ROPN1L: variants seen among roughly 807,000 people sequenced by gnomAD.
ROPN1L encodes the protein ropporin-1-like protein.
ROPN1L carries 23 observed loss-of-function variants against 22.7 expected under a neutral mutation model. The ratio of observed to expected loss-of-function variants is 1.01; its 90% CI spans 0.73 to 1.43. The LOEUF (loss-of-function observed/expected upper bound fraction) is 1.43. Among genes scored for constraint, ROPN1L ranks in the 40% most tolerant of loss-of-function variants. The pLI is 0.00. For missense variants in ROPN1L, 271 were observed against 291.5 expected, an observed-to-expected ratio of 0.93 and a Z score of 0.51; for synonymous variants, 116 against 117.8, an observed-to-expected ratio of 0.98 and a Z score of 0.10.
intron 4 of ROPN1L, among the ~76,000 whole-genome samples, chr5:10,471,268 G>A (rs1404985214): frequency 1.3e-5 from 2 of 152,012 alleles, no homozygotes; most frequent in Admixed American, 1.3e-4. Context: ...TTCCCGAGTA[G>A]CTGGTACCAC....
chr5:10,443,839 C>A (rs991144135), intron 1 of ROPN1L, among the ~76,000 whole-genome samples: 1 of 152,198 alleles, frequency 6.6e-6, no homozygotes, highest in East Asian at 1.9e-4. Context: ...ATTTTCAAGG[C>A]CAGCATCTTC....
chr5:10,470,423 G>C (rs138796460), intron 4 of ROPN1L, among the ~76,000 whole-genome samples: 1 of 152,306 alleles, frequency 6.6e-6, no homozygotes, highest in African/African-American at 2.4e-5. Context: ...CAGGGTCCAG[G>C]CCCACCCACC....
chr5:10,467,964 C>T (rs896662137), downstream of ROPN1L, among the ~76,000 whole-genome samples: 2 of 152,228 alleles, frequency 1.3e-5, no homozygotes, highest in Non-Finnish European at 2.9e-5. Context: ...ACCCAGGTCC[C>T]GTCCCCTGAG....
chr5:10,450,360 T>C (rs555167565), intron 3 of ROPN1L, among the ~76,000 whole-genome samples: 2 of 152,322 alleles, frequency 1.3e-5, no homozygotes, highest in East Asian at 3.9e-4. Flanking sequence ...TATTAAAATA[T>C]ATTTAGGTTT....
intron 3 of ROPN1L, among the ~76,000 whole-genome samples, chr5:10,457,996 G>A (rs1355346551): frequency 2.0e-5 from 3 of 152,046 alleles, no homozygotes; most frequent in African/African-American, 7.3e-5. Context: ...CACCCTGCTC[G>A]GGAAGGTCCT....
downstream of ROPN1L, among the ~76,000 whole-genome samples, chr5:10,468,999 C>CA (rs1735202409): frequency 6.6e-6 from 1 of 151,720 alleles, no homozygotes; most frequent in Non-Finnish European, 1.5e-5. Flanking sequence ...ACTAAAAATA[C>CA]AAAAAATTAG....
chr5:10,477,309 G>A, the ROPN1L span, among the ~76,000 whole-genome samples: 3 of 152,228 alleles, frequency 2.0e-5, no homozygotes, highest in Non-Finnish European at 4.4e-5. Context: ...CCTGGGCACT[G>A]TGTGGGGCGC....
downstream of ROPN1L, among the ~76,000 whole-genome samples, chr5:10,473,486 A>T (rs1056757455): frequency 6.6e-6 from 1 of 152,168 alleles, no homozygotes; most frequent in Non-Finnish European, 1.5e-5. Flanking sequence ...CCCTCCTAAA[A>T]GCTTCAGAGG....
chr5:10,462,890 AAAT>A lies in ROPN1L; in HGVS notation c.593+1537_593+1539del, dbSNP rs1439510600. The stretch of plus-strand genomic sequence containing the variant: ...AGCAACAAGATCGAGACTCCGTCTC[AAAT>A]AATAACAACAATAATAATAATAATA... On this transcript the variant is annotated intron_variant, in intron 4 of 4. Transcript: ENST00000274134. Among the ~76,000 whole-genome samples the A allele has an allele frequency of 2.5e-4, 18 of 72,618 alleles. No individual in the cohort carries two copies. The East Asian group carries it at 2.9e-3, about 12-fold the overall frequency. 47.6% of individuals were successfully genotyped at this position (72,618 alleles called of 152,430 possible). A position where few individuals can be genotyped will look rare whatever the true frequency, so the allele number is the denominator to read the frequency against.
intron 1 of ROPN1L, among the ~76,000 whole-genome samples, chr5:10,444,100 G>C (rs541002608): frequency 1.3e-5 from 2 of 152,108 alleles, no homozygotes; most frequent in Non-Finnish European, 2.9e-5. Flanking sequence ...AATGGTTTCT[G>C]AAAGACTCTT....
In ROPN1L at chr5:10,450,005, C is replaced by T. The variant is rs35573613; in HGVS notation, c.309C>T (p.Asn103=). The change falls in exon 3 of 5, where the codon AAC becomes AAT. Residue 103 remains asparagine (N), a synonymous_variant. Transcript: ENST00000274134. ...ELTDLEQKWK[N]LCLPKEKFKA... is the part of the protein sequence containing the mutation. Reference sequence around the variant, plus strand: ...CAGATCTTGAGCAGAAGTGGAAGAACTTGTGCCTGCCGAAGGAAAAATTCA... The same window carrying T: ...CAGATCTTGAGCAGAAGTGGAAGAATTTGTGCCTGCCGAAGGAAAAATTCA... 3 of 1,613,828 alleles carry T rather than the reference C, an allele frequency of 1.9e-6. No individual in the cohort carries two copies. The African/African-American group carries it at 4.0e-5, about 22-fold the overall frequency.
At position 10,463,845 on chromosome 5, in the gene ROPN1L, G is replaced by A. The variant is rs1473775310; in HGVS notation, c.594-1003G>A. ...AAGCCAGGGATAGGGACCAATGGGG[G>A]CTGGTCCCAGGGCCGCCTTCTGGCA... On this transcript the variant is annotated intron_variant, in intron 4 of 4. Coordinates refer to ENST00000274134, the MANE Select transcript of ROPN1L (RefSeq NM_031916.5). Among the ~76,000 whole-genome samples, 6 of 152,242 alleles carry A rather than the reference G, an allele frequency of 3.9e-5. No homozygotes were observed. In the South Asian group the frequency reaches 1.2e-3, roughly 32 times the overall value.
intron 1 of ROPN1L, among the ~76,000 whole-genome samples, chr5:10,445,345 A>G (rs928757024): frequency 1.3e-5 from 2 of 152,184 alleles, no homozygotes; most frequent in Admixed American, 6.5e-5. Flanking sequence ...GTAGGTTCAA[A>G]TATGTTTCAG....
At chr5:10,480,314 G>A in the ROPN1L span, among the ~76,000 whole-genome samples, 4 of 152,132 alleles carry the variant, frequency 2.6e-5, no homozygotes, top group African/African-American at 7.2e-5. Context: ...CAATTGATGC[G>A]CAGCCAGACT....
chr5:10,468,951 C>G (rs576244370), downstream of ROPN1L, among the ~76,000 whole-genome samples: 5 of 151,376 alleles, frequency 3.3e-5, no homozygotes, highest in East Asian at 3.9e-4. Flanking sequence ...GTCAGGAGAT[C>G]GAGACCATCC....
chr5:10,459,236 C>T (rs369239888), intron 3 of ROPN1L, among the ~76,000 whole-genome samples: 1 of 151,920 alleles, frequency 6.6e-6, no homozygotes, highest in Non-Finnish European at 1.5e-5. Context: ...AGGCTGAGTC[C>T]GGCCCTTCCC....
intron 1 of ROPN1L, among the ~76,000 whole-genome samples, chr5:10,446,879 C>T (rs977891305): frequency 6.6e-6 from 1 of 152,150 alleles, no homozygotes; most frequent in Non-Finnish European, 1.5e-5. Flanking sequence ...GGCACCTATT[C>T]TTCACCCACA....
chr5:10,480,936 CAGGGGGAGACAGGA>C, the ROPN1L span, among the ~76,000 whole-genome samples: 1 of 152,154 alleles, frequency 6.6e-6, no homozygotes, highest in African/African-American at 2.4e-5. Flanking sequence ...CCAGTTTGAG[CAGGGGGAGACAGGA>C]AGGGCCTCTT....
At chr5:10,470,222 C>T (rs1735222928) in intron 4 of ROPN1L, among the ~76,000 whole-genome samples, 1 of 152,084 alleles carries the variant, frequency 6.6e-6, no homozygotes, top group South Asian at 2.1e-4. Flanking sequence ...GTGTTCAGGT[C>T]CCCCGTCCTC....
Sources: gnomAD v4.1 joint callset for allele counts (sites outside exome capture counted in the v4.1 genomes callset) on GRCh38, gnomAD v4.1.1 for gene constraint, MANE v1.5 for transcripts, NCBI Gene and HGNC (gene_info 2026-07-23, HGNC 2026-07-21) for gene names.